The following ZNF521 variants were observed in gnomAD, a reference collection of about 807,000 sequenced individuals.
The protein encoded by ZNF521 is zinc finger protein 521, also known as LYST-interacting protein 3.
In ZNF521, 14 loss-of-function variants were observed where a neutral mutation model predicts 105.5. The observed-to-expected ratio is 0.13, with a 90% confidence interval of 0.09 to 0.21. The LOEUF (loss-of-function observed/expected upper bound fraction) is 0.21, where lower values mean the gene tolerates loss of function less well. Among genes scored for constraint, ZNF521 ranks in the 10% least tolerant of loss-of-function variants. The pLI is 1.00. For synonymous variants in ZNF521, 635 were observed against 606.0 expected, an observed-to-expected ratio of 1.05 and a Z score of -0.70; for missense variants, 1,233 against 1,629.7, an observed-to-expected ratio of 0.76 and a Z score of 4.19.
At chr18:25,202,794 A>T (rs1329086766) in intron 4 of ZNF521, 1 of 152,248 alleles carries the variant, frequency 6.6e-6, no homozygotes, top group Admixed American at 6.5e-5. Context: ...TAGCCTAGTC[A>T]TTTTCTAAGT....
At chr18:25,236,319 T>C (rs1303867813) in intron 3 of ZNF521, among the ~76,000 whole-genome samples, 1 of 152,178 alleles carries the variant, frequency 6.6e-6, no homozygotes, top group Non-Finnish European at 1.5e-5. Context: ...GCAGACTGCC[T>C]GAGCCCAGGA....
chr18:25,077,482 G>A (rs978530681), intron 7 of ZNF521, among the ~76,000 whole-genome samples: 2 of 151,872 alleles, frequency 1.3e-5, no homozygotes, highest in Non-Finnish European at 2.9e-5. Context: ...CCACATCCGC[G>A]TGCCCCCCAC....
chr18:25,276,032 A>G (rs1910015456), intron 3 of ZNF521, among the ~76,000 whole-genome samples: 1 of 152,222 alleles, frequency 6.6e-6, no homozygotes, highest in Non-Finnish European at 1.5e-5. Flanking sequence ...TAACTTATAA[A>G]GGTAAAATTT....
chr18:25,331,484 G>A lies in ZNF521; in HGVS notation c.41-9297C>T, dbSNP rs140668713. Among the ~76,000 whole-genome samples the A allele has an allele frequency of 6.4e-3, 971 of 152,272 alleles. 7 individuals are homozygous for A. Among genetic ancestry groups the A allele is most frequent in the Middle Eastern group, 0.024 (7 of 294 alleles). On this transcript the variant is annotated intron_variant, in intron 2 of 7. Transcript: ENST00000361524. ...CTAGGATTTAGACATTTGGACATTT[G>A]CGAAAGAATCTGGCTCCTCTTTACT...
chr18:25,183,761 A>T lies in ZNF521; in HGVS notation c.3658+11399T>A, dbSNP rs531362869. 5.3e-4 allele frequency among the ~76,000 whole-genome samples: 81 copies of T among 152,304 alleles called. 1 individual carries two copies. The South Asian group carries it at 0.017, about 31-fold the overall frequency. ...TTTGAAACACTCCGCAAGCCCATTC[A>T]TCAGCAGAACAGATGCATTTTAAAA... On this transcript the variant is annotated intron_variant, in intron 5 of 7. Coordinates refer to ENST00000361524, the MANE Select transcript of ZNF521 (RefSeq NM_015461.3).
At chr18:25,139,941 A>G (rs2034815227) in intron 5 of ZNF521, among the ~76,000 whole-genome samples, 1 of 152,158 alleles carries the variant, frequency 6.6e-6, no homozygotes, top group African/African-American at 2.4e-5. Context: ...AGTAAGGTAC[A>G]CGGAAACAAG....
At chr18:25,082,649 A>G (rs547670225) in intron 7 of ZNF521, 4 of 417,970 alleles carry the variant, frequency 9.6e-6, no homozygotes, top group Admixed American at 8.0e-5. Flanking sequence ...CAGCCTGGGC[A>G]ACATGGTGAA....
At chr18:25,300,998 G>C (rs988006968) in intron 3 of ZNF521, among the ~76,000 whole-genome samples, 1 of 152,168 alleles carries the variant, frequency 6.6e-6, no homozygotes, top group African/African-American at 2.4e-5. Flanking sequence ...AGCTATAAGA[G>C]AAAGACTGTC....
In ZNF521 at chr18:25,350,935, G is replaced by A; in HGVS notation, c.12C>T (p.Arg4=). MSR[R]KQAKPRSLKD... is the part of the protein sequence containing the mutation. ...TGAGGGATCTCGGTTTCGCTTGCTT[G>A]CGGCGAGACATCCTAAAAGCAAACA... The change falls in exon 2 of 8, where the codon CGC becomes CGT. Residue 4 remains arginine (R), a synonymous_variant. Transcript: ENST00000361524. The A allele has an allele frequency of 6.4e-7, 1 of 1,550,644 alleles. No individual in the cohort carries two copies. The highest frequency in any genetic ancestry group is 8.7e-7 in the Non-Finnish European group (1 of 1,146,430).
At chr18:25,084,967 G>A in intron 7 of ZNF521, among the ~76,000 whole-genome samples, 1 of 152,158 alleles carries the variant, frequency 6.6e-6, no homozygotes. Context: ...CTCTCTCAAA[G>A]CAGCTTCCTT....
intron 7 of ZNF521, 80 bp from the exon 8 acceptor site, chr18:25,062,821 T>A: frequency 7.5e-7 from 1 of 1,328,410 alleles, no homozygotes; most frequent in Non-Finnish European, 1.0e-6. Context: ...GTGATTTCAT[T>A]TTCATCAGAC....
chr18:25,344,204 T>TAAAAAAA lies in ZNF521; in HGVS notation c.40+6696_40+6702dup, dbSNP rs200619989. On this transcript the variant is annotated intron_variant, in intron 2 of 7. Transcript: ENST00000361524. ...GGTGCCTAAAATTAAAGTTTTTTAT[T>TAAAAAAA]AAAAAAAAAAAAAAAGCTGCGATTC... 1.1e-4 allele frequency among the ~76,000 whole-genome samples: 15 copies of TAAAAAAA among 141,286 alleles called. 2 individuals carry two copies. The highest frequency in any genetic ancestry group is 1.3e-4 in the African/African-American group (5 of 38,180). The allele number at this position is 141,286 out of a possible 152,430, so 92.7% of individuals were successfully genotyped here. A position where few individuals can be genotyped will look rare whatever the true frequency, so the allele number is the denominator to read the frequency against.
At chr18:25,183,900 A>C (rs1416198996) in intron 5 of ZNF521, among the ~76,000 whole-genome samples, 1 of 152,210 alleles carries the variant, frequency 6.6e-6, no homozygotes, top group African/African-American at 2.4e-5. Context: ...CAAGGGAAAA[A>C]AAGAGCTTCA....
chr18:25,243,320 T>C (rs1166343429), intron 3 of ZNF521, among the ~76,000 whole-genome samples: 1 of 152,212 alleles, frequency 6.6e-6, no homozygotes, highest in African/African-American at 2.4e-5. Context: ...ATGTCACATA[T>C]GGCCTCAGCT....
chr18:25,164,472 G>T (rs1233859377), intron 5 of ZNF521, among the ~76,000 whole-genome samples: 2 of 152,206 alleles, frequency 1.3e-5, no homozygotes, highest in Non-Finnish European at 2.9e-5. Context: ...TATTTATCAT[G>T]CATTTTGACC....
In ZNF521 at chr18:25,328,402, AACACACACACACAC is replaced by A. The variant is rs57967888; in HGVS notation, c.41-6229_41-6216del. Among the ~76,000 whole-genome samples the A allele has an allele frequency of 2.4e-3, 344 of 141,764 alleles. 1 individual carries two copies. The highest frequency in any genetic ancestry group is 6.1e-3 in the African/African-American group (235 of 38,214). The allele number at this position is 141,764 out of a possible 152,430, so 93.0% of individuals were successfully genotyped here. On this transcript the variant is annotated intron_variant, in intron 2 of 7. Transcript: ENST00000361524. ...AGGAAATTAGCCTTAGGGGAGGTTAAACACACACACACACACACACACACACACACACACACACA... is the reference window on the plus strand; with the variant it reads ...AGGAAATTAGCCTTAGGGGAGGTTAAACACACACACACACACACACACACA...
chr18:25,195,237 GTCT>G lies in ZNF521; in HGVS notation c.3578_3580del (p.Lys1193del). 2 of 1,585,630 alleles carry G rather than the reference GTCT, an allele frequency of 1.3e-6. No homozygotes were observed. The highest frequency in any genetic ancestry group is 1.7e-6 in the Non-Finnish European group (2 of 1,168,772). On this transcript the variant is annotated inframe_deletion, in exon 5 of 8. Coordinates refer to ENST00000361524, the MANE Select transcript of ZNF521 (RefSeq NM_015461.3). Reference sequence around the variant, plus strand: ...CATCTGACACTTGATGCATTGATAGGTCTTCTTCTGAGAAAACAAGTATAAACA... The same window carrying G: ...CATCTGACACTTGATGCATTGATAGGTCTTCTGAGAAAACAAGTATAAACA...
chr18:25,296,836 A>G (rs1225975134), intron 3 of ZNF521, among the ~76,000 whole-genome samples: 1 of 152,094 alleles, frequency 6.6e-6, no homozygotes, highest in Non-Finnish European at 1.5e-5. Flanking sequence ...AATCATAATC[A>G]CTAGACAATA....
At chr18:25,236,334 G>A (rs950134394) in intron 3 of ZNF521, among the ~76,000 whole-genome samples, 7 of 152,154 alleles carry the variant, frequency 4.6e-5, no homozygotes, top group Non-Finnish European at 8.8e-5. Flanking sequence ...CCAGGAGTTC[G>A]AGATCAGCCT....
Sources: allele counts gnomAD v4.1 joint callset (sites outside exome capture counted in the v4.1 genomes callset), GRCh38; gene constraint gnomAD v4.1.1; transcripts MANE v1.5; gene names NCBI Gene and HGNC (gene_info 2026-07-23, HGNC 2026-07-21).